The following MED25 variants were observed in gnomAD, a reference collection of about 807,000 sequenced individuals.
MED25 encodes the protein mediator complex subunit 25.
MED25 carries 62 observed loss-of-function variants against 89.4 expected under a neutral mutation model. The observed-to-expected ratio is 0.69, with a 90% confidence interval of 0.57 to 0.86. The LOEUF (loss-of-function observed/expected upper bound fraction) is 0.86. Ranked by LOEUF, MED25 falls within the 40% of genes least tolerant of loss-of-function variation. The pLI is 0.00. For synonymous variants in MED25, 449 were observed against 427.9 expected, an observed-to-expected ratio of 1.05 and a Z score of -0.61; for missense variants, 905 against 1,005.2, an observed-to-expected ratio of 0.90 and a Z score of 1.35.
chr19:49,832,488 C>T lies in MED25; in HGVS notation c.1482+73C>T, dbSNP rs1399992039. 3.2e-6 allele frequency: 3 copies of T among 951,056 alleles called. No homozygotes were observed. In the East Asian group the frequency reaches 7.8e-5, roughly 25 times the overall value. 58.9% of individuals were successfully genotyped at this position (951,056 alleles called of 1,614,324 possible). A position where few individuals can be genotyped will look rare whatever the true frequency, so the allele number is the denominator to read the frequency against. ...TTTCTGCTGACCTTTGACGGGAATC[C>T]CAGAGTGCCTGGGCCCACGGAAGCC... On this transcript the variant is annotated intron_variant, in intron 13 of 17. Coordinates refer to ENST00000312865, the MANE Select transcript of MED25 (RefSeq NM_030973.4).
chr19:49,823,708 G>A lies in MED25; in HGVS notation c.305+4412G>A, dbSNP rs899010816. 2.6e-5 allele frequency among the ~76,000 whole-genome samples: 4 copies of A among 152,116 alleles called. No homozygotes were observed. The South Asian group carries it at 6.2e-4, about 24-fold the overall frequency. On this transcript the variant is annotated intron_variant, in intron 3 of 17. Coordinates refer to ENST00000312865, the MANE Select transcript of MED25 (RefSeq NM_030973.4). Reference sequence around the variant, plus strand: ...TTCCAGTATGTGCGTGCAAGTGCTGGGTGCAGGACATATAGTGAAAAGGTG... The same window carrying A: ...TTCCAGTATGTGCGTGCAAGTGCTGAGTGCAGGACATATAGTGAAAAGGTG...
Position 49,830,469 on chromosome 19 carries a change from T to C in MED25, c.820-42T>C. 1 of 1,587,282 alleles carries C rather than the reference T, an allele frequency of 6.3e-7. No individual in the cohort carries two copies. The highest frequency in any genetic ancestry group is 8.6e-7 in the Non-Finnish European group (1 of 1,156,082). ...GTGGGATACCAGGACTGGGGGGCCA[T>C]GGTCCTCACCAGTCCCTTCCCTTCT... On this transcript the variant is annotated intron_variant, in intron 7 of 17. Coordinates refer to ENST00000312865, the MANE Select transcript of MED25 (RefSeq NM_030973.4). This position sits in a 1 kb window ranked among gnomAD's most constrained non-coding sequence, Gnocchi z 4.6.
At position 49,830,359 on chromosome 19, in the gene MED25, A is replaced by G; in HGVS notation, c.819+141A>G. 2 of 1,134,358 alleles carry G rather than the reference A, an allele frequency of 1.8e-6. No homozygotes were observed. The highest frequency in any genetic ancestry group is 2.6e-5 in the South Asian group (2 of 77,154). 70.3% of individuals were successfully genotyped at this position (1,134,358 alleles called of 1,614,324 possible). The stretch of plus-strand genomic sequence containing the variant: ...TTGGGAAGGTGGGACTCTTGGGGCC[A>G]TGGAAGCTCATGTGCTGTGTGATGG... On this transcript the variant is annotated intron_variant, in intron 7 of 17. Coordinates refer to ENST00000312865, the MANE Select transcript of MED25 (RefSeq NM_030973.4). This position sits in a 1 kb window ranked among gnomAD's most constrained non-coding sequence, Gnocchi z 4.6.
At position 49,832,033 on chromosome 19, in the gene MED25, T is replaced by C. The variant is rs1467060791; in HGVS notation, c.1316+12T>C. The C allele has an allele frequency of 6.2e-7, 1 of 1,608,800 alleles. No homozygotes were observed. The highest frequency in any genetic ancestry group is 1.3e-5 in the African/African-American group (1 of 74,882). On this transcript the variant is annotated intron_variant, in intron 11 of 17. Transcript: ENST00000312865. ...CATGGCGAGAACCTGTAGGTGACAG[T>C]CAGGGGCGGGGTGTGGTGGGGCTGG...
At chr19:49,825,711 A>G (rs1383469720) in intron 3 of MED25, among the ~76,000 whole-genome samples, 2 of 151,630 alleles carry the variant, frequency 1.3e-5, no homozygotes, top group Non-Finnish European at 2.9e-5. Context: ...CATGCCTGTA[A>G]TCCCAGCTAC....
chr19:49,828,869 C>T, intron 4 of MED25, 101 bp from the exon 5 acceptor site: 6 of 1,568,170 alleles, frequency 3.8e-6, no homozygotes, highest in Non-Finnish European at 5.2e-6. Flanking sequence ...CTTCTGATTC[C>T]ATGTGAGGCG....
Position 49,835,451 on chromosome 19 carries a change from C to T in MED25, c.1675-83C>T. 2 of 1,337,512 alleles carry T rather than the reference C, an allele frequency of 1.5e-6. No individual in the cohort carries two copies. The highest frequency in any genetic ancestry group is 2.0e-6 in the Non-Finnish European group (2 of 982,360). 82.9% of individuals were successfully genotyped at this position (1,337,512 alleles called of 1,614,324 possible). A position where few individuals can be genotyped will look rare whatever the true frequency, so the allele number is the denominator to read the frequency against. On this transcript the variant is annotated intron_variant, in intron 14 of 17. Coordinates refer to ENST00000312865, the MANE Select transcript of MED25 (RefSeq NM_030973.4). The surrounding 1 kb of genome is among the most constrained non-coding windows in gnomAD (Gnocchi z 6.2). ...GAATGTCCCCATCTCCTTACTAGTTCCCCTCAGGGCACAGGCCCTCCCGCC... is the reference window on the plus strand; with the variant it reads ...GAATGTCCCCATCTCCTTACTAGTTTCCCTCAGGGCACAGGCCCTCCCGCC...
chr19:49,822,869 G>A (rs961136266), intron 3 of MED25, among the ~76,000 whole-genome samples: 9 of 151,696 alleles, frequency 5.9e-5, no homozygotes, highest in African/African-American at 9.7e-5. Flanking sequence ...GGATGGTCTC[G>A]GTCTCCTGAC....
chr19:49,823,764 A>G (rs889859911), intron 3 of MED25, among the ~76,000 whole-genome samples: 3 of 152,102 alleles, frequency 2.0e-5, no homozygotes, highest in Admixed American at 2.0e-4. Flanking sequence ...CGGTAGCTGG[A>G]ATTCGTAGGT....
rs1335790269 is a variant in MED25, at chr19:49,834,546, G to A, written c.1483-440G>A. The A allele has an allele frequency of 1.5e-5, 4 of 269,820 alleles. No individual in the cohort carries two copies. The East Asian group carries it at 2.7e-4, about 18-fold the overall frequency. 16.7% of individuals were successfully genotyped at this position (269,820 alleles called of 1,614,324 possible). A position where few individuals can be genotyped will look rare whatever the true frequency, so the allele number is the denominator to read the frequency against. On this transcript the variant is annotated intron_variant, in intron 13 of 17. Coordinates refer to ENST00000312865, the MANE Select transcript of MED25 (RefSeq NM_030973.4). This position sits in a 1 kb window ranked among gnomAD's most constrained non-coding sequence, Gnocchi z 4.1. ...GCACTCCCCGTGGTGTACACTGGCC[G>A]GTGCTGAGGGCTGGAGGATCTCTTG...
Position 49,832,161 on chromosome 19 carries a change from A to G in MED25, c.1374+4A>G. ...GCTCATCCCCCAGCAGCTGCTGGTG[A>G]GTGGCGGTGGAGGGCCAGCCCTGCT... On this transcript the variant is annotated splice_donor_region_variant and intron_variant, in intron 12 of 17. Coordinates refer to ENST00000312865, the MANE Select transcript of MED25 (RefSeq NM_030973.4). 1 of 1,612,120 alleles carries G rather than the reference A, an allele frequency of 6.2e-7. No individual in the cohort carries two copies. The highest frequency in any genetic ancestry group is 1.1e-5 in the South Asian group (1 of 91,000).
At chr19:49,819,987 A>C (rs1045964176) in intron 3 of MED25, 1 of 135,896 alleles carries the variant, frequency 7.4e-6, no homozygotes, top group Non-Finnish European at 1.5e-5. Flanking sequence ...CACTATGCCC[A>C]GCTAATTTTT....
In MED25 at chr19:49,834,738, A is replaced by G; in HGVS notation, c.1483-248A>G. On this transcript the variant is annotated intron_variant, in intron 13 of 17. Transcript: ENST00000312865. The surrounding 1 kb of genome is among the most constrained non-coding windows in gnomAD (Gnocchi z 4.1). ...AGGAGCAGGTGGTGGCTGAAGGTTGAAGAGCTGGGCTCCAGCACTTTCTCT... is the reference window on the plus strand; with the variant it reads ...AGGAGCAGGTGGTGGCTGAAGGTTGGAGAGCTGGGCTCCAGCACTTTCTCT... 1.8e-6 allele frequency: 1 copy of G among 564,420 alleles called. No individual in the cohort carries two copies. Among genetic ancestry groups the G allele is most frequent in the Non-Finnish European group, 3.2e-6 (1 of 314,356 alleles). 35.0% of individuals were successfully genotyped at this position (564,420 alleles called of 1,614,324 possible). A position where few individuals can be genotyped will look rare whatever the true frequency, so the allele number is the denominator to read the frequency against.
Position 49,835,546 on chromosome 19 carries a change from C to T in MED25, c.1687C>T (p.Gln563Ter). The change falls in exon 15 of 18, where the codon CAG (glutamine) becomes TAG (stop). Residue 563 changes from glutamine (Q) to a stop codon, truncating the protein, a stop_gained. Coordinates refer to ENST00000312865, the MANE Select transcript of MED25 (RefSeq NM_030973.4). LOFTEE classifies it high-confidence loss of function. This position sits in a 1 kb window ranked among gnomAD's most constrained non-coding sequence, Gnocchi z 6.2. The stretch of plus-strand genomic sequence containing the variant: ...TCTCCCCGTGCAGATGGGGGGACAG[C>T]AGGCACCCCCAGGGCTGGGGCCCAT... ...EQQQRGMGGQQAPPGLGPILE... is the reference protein window; with the variant it reads ...EQQQRGMGGQ The T allele has an allele frequency of 6.4e-7, 1 of 1,561,770 alleles. No individual in the cohort carries two copies. The highest frequency in any genetic ancestry group is 8.7e-7 in the Non-Finnish European group (1 of 1,153,574).
intron 3 of MED25, among the ~76,000 whole-genome samples, chr19:49,821,184 G>A (rs1361736040): frequency 6.6e-5 from 10 of 152,122 alleles, no homozygotes; most frequent in Non-Finnish European, 1.5e-4. Flanking sequence ...TGTGGCTGTT[G>A]GCCACAAGAC....
chr19:49,818,523 C>T lies in MED25; in HGVS notation c.134+48C>T, dbSNP rs758564796. 4 of 1,614,226 alleles carry T rather than the reference C, an allele frequency of 2.5e-6. No individual in the cohort carries two copies. In the East Asian group the frequency reaches 8.9e-5, roughly 36 times the overall value. The stretch of plus-strand genomic sequence containing the variant: ...TAACCCCGCCCTCCCACTTCAGTTT[C>T]GCACAGTTTCTTGCCTGACTCCGAC... On this transcript the variant is annotated intron_variant, in intron 1 of 17. Coordinates refer to ENST00000312865, the MANE Select transcript of MED25 (RefSeq NM_030973.4).
chr19:49,831,966 A>G lies in MED25; in HGVS notation c.1261A>G (p.Thr421Ala). ...CAAACCTGCCTCAGTGGATGCCAAC[A>G]CCAAGCTGACGCGGTCACTGCCCTG... is the stretch of plus-strand genomic sequence containing the variant. Reference protein sequence around the residue: ...KPKPASVDANTKLTRSLPCQV... With the variant: ...KPKPASVDANAKLTRSLPCQV... The change falls in exon 11 of 18, where the codon ACC becomes GCC. Residue 421 changes from threonine (T) to alanine (A), a missense_variant. Thr to Ala is a moderately conservative substitution (Grantham distance 58). This residue lies in a region of MED25 where 133 missense variants were observed against 220.2 expected (regional missense o/e 0.60). Coordinates refer to ENST00000312865, the MANE Select transcript of MED25 (RefSeq NM_030973.4). This position sits in a 1 kb window ranked among gnomAD's most constrained non-coding sequence, Gnocchi z 5.0. 1 of 1,613,618 alleles carries G rather than the reference A, an allele frequency of 6.2e-7. No individual in the cohort carries two copies. The highest frequency in any genetic ancestry group is 1.7e-4 in the Middle Eastern group (1 of 6,058).
chr19:49,838,441 A>G (rs1404403164), downstream of MED25: 4 of 388,718 alleles, frequency 1.0e-5, no homozygotes, highest in Non-Finnish European at 2.1e-5. Context: ...CTGGTTCGCC[A>G]CAGTCCCCAC....
chr19:49,826,493 G>A (rs1209326414), intron 3 of MED25, among the ~76,000 whole-genome samples: 4 of 152,090 alleles, frequency 2.6e-5, no homozygotes, highest in Non-Finnish European at 4.4e-5. Context: ...GGAAATCAGT[G>A]CGAGAACTCA....
Sources: gnomAD v4.1 joint callset for allele counts (sites outside exome capture counted in the v4.1 genomes callset) on GRCh38, gnomAD v4.1.1 for gene constraint, gnomAD v4.1.1 regional missense constraint, Gnocchi (gnomAD v3.1) non-coding constraint, MANE v1.5 for transcripts, NCBI Gene and HGNC (gene_info 2026-07-23, HGNC 2026-07-21) for gene names.